Variants in PRDM10 observed in about 807,000 individuals in gnomAD.
PRDM10 encodes PR/SET domain 10.
A neutral mutation model predicts 133.1 loss-of-function variants in PRDM10; 65 were observed. The observed-to-expected ratio is 0.49, with a 90% CI of 0.40 to 0.60. The LOEUF (loss-of-function observed/expected upper bound fraction) is 0.60, where lower values mean the gene tolerates loss of function less well. Among genes scored for constraint, PRDM10 ranks in the 20% least tolerant of loss-of-function variants. The pLI is 0.00. For missense variants in PRDM10, 1,137 were observed against 1,507.1 expected, an observed-to-expected ratio of 0.75 and a Z score of 4.07; for synonymous variants, 582 against 580.4, an observed-to-expected ratio of 1.00 and a Z score of -0.04.
chr11:129,932,337 C>CTTAT, intron 9 of PRDM10, 106 bp from the exon 10 acceptor site: 1 of 1,364,438 alleles, frequency 7.3e-7, no homozygotes, highest in Non-Finnish European at 9.8e-7. Flanking sequence ...TTCCTCTCAC[C>CTTAT]TTATTACTTT....
At chr11:129,937,574 T>A in intron 8 of PRDM10, 24 bp downstream of exon 8, 1 of 1,599,658 alleles carries the variant, frequency 6.3e-7, no homozygotes, top group Non-Finnish European at 8.5e-7. Context: ...ATATAGAAAA[T>A]GTAAAACATA....
Position 129,931,251 on chromosome 11 carries a change from A to G in PRDM10, c.1295T>C (p.Leu432Pro), listed in dbSNP as rs1861760067. 1.2e-6 allele frequency: 2 copies of G among 1,613,804 alleles called. No homozygotes were observed. Among genetic ancestry groups the G allele is most frequent in the Non-Finnish European group, 1.7e-6 (2 of 1,179,802 alleles). The change falls in exon 11 of 21, where the codon CTA becomes CCA. Residue 432 changes from leucine (L) to proline (P), a missense_variant. Physicochemically the swap from Leu to Pro is moderately conservative, Grantham distance 98. Transcript: ENST00000360871. ...AAATTGCTCCTTTGTGGGAAAATGT[A>G]GCAAGTCCTGAAATTTGCAATAACC... ...EKSDDGTQDL[L>P]HFPTKEQFDE... is the part of the protein sequence containing the mutation.
At chr11:129,909,236 G>A (rs909161698) in intron 19 of PRDM10, among the ~76,000 whole-genome samples, 4 of 151,670 alleles carry the variant, frequency 2.6e-5, no homozygotes, top group African/African-American at 7.3e-5. Flanking sequence ...GATCACCTGA[G>A]GTCCGGAGTT....
intron 20 of PRDM10, among the ~76,000 whole-genome samples, chr11:129,904,252 TG>T (rs766295908): frequency 2.0e-5 from 3 of 152,156 alleles, no homozygotes; most frequent in Non-Finnish European, 2.9e-5. Flanking sequence ...AATCTTCCCT[TG>T]GTAATATCTC....
chr11:129,967,749 G>C (rs1356760450), intron 1 of PRDM10, among the ~76,000 whole-genome samples: 1 of 152,164 alleles, frequency 6.6e-6, no homozygotes, highest in African/African-American at 2.4e-5. Context: ...CAGTGATGAA[G>C]AGTGAGGGGA....
intron 1 of PRDM10, among the ~76,000 whole-genome samples, chr11:129,999,431 C>T (rs2136013810): frequency 6.6e-6 from 1 of 152,248 alleles, no homozygotes; most frequent in Non-Finnish European, 1.5e-5. Context: ...AAATGGTAGA[C>T]AATAAATTCT....
rs187492715 is a variant in PRDM10, at chr11:129,985,090, C to G, written c.-119+17632G>C. 2.0e-4 allele frequency among the ~76,000 whole-genome samples: 30 copies of G among 152,256 alleles called. No individual in the cohort carries two copies. In the East Asian group the frequency reaches 5.2e-3, roughly 26 times the overall value. ...TCACTGGAGCTGATGAGGGAGTGTCCCCAGCACCTGCAACCATGACCGGCC... is the reference window on the plus strand; with the variant it reads ...TCACTGGAGCTGATGAGGGAGTGTCGCCAGCACCTGCAACCATGACCGGCC... On this transcript the variant is annotated intron_variant, in intron 1 of 20. Transcript: ENST00000360871.
rs1283424106 is a variant in PRDM10, at chr11:129,910,499, G to A, written c.3140C>T (p.Ala1047Val). The A allele has an allele frequency of 1.9e-6, 3 of 1,614,010 alleles. No individual in the cohort carries two copies. The highest frequency in any genetic ancestry group is 2.5e-6 in the Non-Finnish European group (3 of 1,180,044). The change falls in exon 19 of 21, where the codon GCT (alanine) becomes GTT (valine). Residue 1047 changes from alanine to valine, a missense_variant. Transcript: ENST00000360871. ...ACAATAGCCACGGAAGGAATTCCAA[G>A]CACTGGGCAGGTACGTGTGCTGCAC... ...SSVQHTYLPS[A>V]WNSFRGYSSE... is the part of the protein sequence containing the mutation.
chr11:129,916,464 C>T (rs1591589789), intron 15 of PRDM10, among the ~76,000 whole-genome samples: 1 of 152,174 alleles, frequency 6.6e-6, no homozygotes, highest in Admixed American at 6.5e-5. Flanking sequence ...ATGGTGAAAC[C>T]CTGTCTCTAC....
intron 10 of PRDM10, among the ~76,000 whole-genome samples, chr11:129,931,636 C>T (rs1003224438): frequency 4.0e-5 from 6 of 150,900 alleles, no homozygotes; most frequent in African/African-American, 1.2e-4. Flanking sequence ...GGCGCGATCT[C>T]GACTCACTGC....
Position 129,942,588 on chromosome 11 carries a change from A to G in PRDM10, c.804T>C (p.His268=), listed in dbSNP as rs1951247623. ...DKGDRKERDL[H]EDLWFELSDE... is the part of the protein sequence containing the mutation. ...CAGACAACTCAAACCATAGGTCTTCATGTAAATCCCTTTCTTTCCTGTCCC... is the reference window on the plus strand; with the variant it reads ...CAGACAACTCAAACCATAGGTCTTCGTGTAAATCCCTTTCTTTCCTGTCCC... Residue 268 remains histidine, a synonymous_variant, in exon 7 of 21, where the codon CAT becomes CAC. Coordinates refer to ENST00000360871, the MANE Select transcript of PRDM10 (RefSeq NM_199437.2). The G allele has an allele frequency of 6.2e-7, 1 of 1,613,634 alleles. No homozygotes were observed. Among genetic ancestry groups the G allele is most frequent in the Non-Finnish European group, 8.5e-7 (1 of 1,179,892 alleles).
At chr11:129,968,297 A>C (rs1951946409) in intron 1 of PRDM10, among the ~76,000 whole-genome samples, 1 of 152,156 alleles carries the variant, frequency 6.6e-6, no homozygotes, top group African/African-American at 2.4e-5. Flanking sequence ...CTTACAAATA[A>C]ACTTTTCCGG....
intron 1 of PRDM10, among the ~76,000 whole-genome samples, chr11:129,987,091 A>C (rs1938473253): frequency 6.6e-6 from 1 of 152,184 alleles, no homozygotes. Flanking sequence ...TTCAAATCAC[A>C]CAGATTATAA....
chr11:129,997,342 T>C (rs962410782), intron 1 of PRDM10, among the ~76,000 whole-genome samples: 1 of 151,676 alleles, frequency 6.6e-6, no homozygotes, highest in Non-Finnish European at 1.5e-5. Context: ...TAGCCAGGCA[T>C]GGTGGTACAC....
chr11:130,001,576 T>C lies in PRDM10; in HGVS notation c.-119+1146A>G, dbSNP rs951712974. On this transcript the variant is annotated intron_variant, in intron 1 of 20. Coordinates refer to ENST00000360871, the MANE Select transcript of PRDM10 (RefSeq NM_199437.2). ...AGCCACCTCTCCTTGTGCTTAAGTG[T>C]ACACGCACATTGATTGAAAATGCAC... Among the ~76,000 whole-genome samples the C allele has an allele frequency of 4.1e-4, 63 of 152,302 alleles. 1 individual carries two copies. In the Middle Eastern group the frequency reaches 0.01, roughly 25 times the overall value.
Position 129,985,809 on chromosome 11 carries a change from A to AATATATATATATAT in PRDM10, c.-119+16899_-119+16912dup, listed in dbSNP as rs1555114095. Among the ~76,000 whole-genome samples, 46 of 61,080 alleles carry AATATATATATATAT rather than the reference A, an allele frequency of 7.5e-4. No individual in the cohort carries two copies. The East Asian group carries it at 0.017, about 22-fold the overall frequency. 40.1% of individuals were successfully genotyped at this position (61,080 alleles called of 152,430 possible). The stretch of plus-strand genomic sequence containing the variant: ...AAAAAAAAAAAAAAAAAAAAAAAAA[A>AATATATATATATAT]ATATATATATATATATATATATATG... On this transcript the variant is annotated intron_variant, in intron 1 of 20. Coordinates refer to ENST00000360871, the MANE Select transcript of PRDM10 (RefSeq NM_199437.2).
chr11:129,953,037 G>A (rs1038811677), intron 4 of PRDM10, among the ~76,000 whole-genome samples: 4 of 151,286 alleles, frequency 2.6e-5, no homozygotes, highest in African/African-American at 4.9e-5. Flanking sequence ...GCAATGGCAC[G>A]ATCTCAGCTC....
At chr11:129,957,337 G>T (rs535382660) in intron 3 of PRDM10, among the ~76,000 whole-genome samples, 4 of 149,866 alleles carry the variant, frequency 2.7e-5, no homozygotes, top group Non-Finnish European at 4.4e-5. Flanking sequence ...CTTTTTTTTT[G>T]AGACAGAGTT....
chr11:129,984,577 G>C (rs1186527545), intron 1 of PRDM10, among the ~76,000 whole-genome samples: 1 of 152,062 alleles, frequency 6.6e-6, no homozygotes, highest in East Asian at 1.9e-4. Context: ...ACATTCTAGA[G>C]TGTCTACTGC....
Sources: gnomAD v4.1 joint callset for allele counts (sites outside exome capture counted in the v4.1 genomes callset) on GRCh38, gnomAD v4.1.1 for gene constraint, MANE v1.5 for transcripts, NCBI Gene and HGNC (gene_info 2026-07-23, HGNC 2026-07-21) for gene names.